Variants in ST6GALNAC5 observed in about 807,000 individuals in gnomAD.
ST6GALNAC5 encodes alpha-N-acetylgalactosaminide alpha-2,6-sialyltransferase 5.
Under a neutral mutation model 33.6 loss-of-function variants are expected in ST6GALNAC5, and 27 were observed. That is an observed-to-expected ratio of 0.80 (90% CI 0.59 to 1.11). ST6GALNAC5 has a LOEUF of 1.11. ST6GALNAC5 is among the 50% of genes least tolerant of loss of function. The probability of loss-of-function intolerance (pLI) is 0.00; values close to 1 mark genes in which losing one functional copy is unlikely to be tolerated. For missense variants in ST6GALNAC5, 428 were observed against 454.0 expected (o/e 0.94, Z 0.52); for synonymous variants, 194 against 171.2 (o/e 1.13, Z -1.04).
intron 3 of ST6GALNAC5, among the ~76,000 whole-genome samples, chr1:77,046,853 T>A (rs1652030658): frequency 1.3e-5 from 2 of 152,248 alleles, no homozygotes; most frequent in Non-Finnish European, 2.9e-5. Flanking sequence ...CTATTTAGTA[T>A]AATTAAACAT....
intron 2 of ST6GALNAC5, among the ~76,000 whole-genome samples, chr1:76,900,574 T>C (rs1015463469): frequency 6.6e-6 from 1 of 152,220 alleles, no homozygotes; most frequent in Non-Finnish European, 1.5e-5. Flanking sequence ...TTTTGGTTTC[T>C]CTCTAGGATT....
In ST6GALNAC5 at chr1:76,931,325, G is replaced by A. The variant is rs558473103; in HGVS notation, c.261+62583G>A. Reference sequence around the variant, plus strand: ...CTTGTAAGACCCTATCAGAGGACTAGGTATAGTAGTGCCAAACTCCTGGCC... The same window carrying A: ...CTTGTAAGACCCTATCAGAGGACTAAGTATAGTAGTGCCAAACTCCTGGCC... On this transcript the variant is annotated intron_variant, in intron 2 of 4. Coordinates refer to ENST00000477717, the MANE Select transcript of ST6GALNAC5 (RefSeq NM_030965.3). 6.0e-4 allele frequency among the ~76,000 whole-genome samples: 92 copies of A among 152,186 alleles called. 1 individual carries two copies. The highest frequency in any genetic ancestry group is 2.2e-3 in the African/African-American group (91 of 41,536).
intron 2 of ST6GALNAC5, among the ~76,000 whole-genome samples, chr1:76,989,660 T>C (rs1403289327): frequency 2.0e-5 from 3 of 152,186 alleles, no homozygotes; most frequent in Non-Finnish European, 2.9e-5. Flanking sequence ...CTGTCTAGCA[T>C]GCTTGCCCAG....
At chr1:76,952,341 C>T in intron 2 of ST6GALNAC5, among the ~76,000 whole-genome samples, 1 of 151,946 alleles carries the variant, frequency 6.6e-6, no homozygotes, top group Non-Finnish European at 1.5e-5. Context: ...GAAGCCCTGA[C>T]CCCCAATGTG....
intron 2 of ST6GALNAC5, among the ~76,000 whole-genome samples, chr1:77,025,498 C>T (rs772382765): frequency 4.7e-5 from 7 of 148,336 alleles, no homozygotes; most frequent in Non-Finnish European, 1.0e-4. Context: ...CCAGACTGGG[C>T]GACAGAGCAA....
At chr1:76,874,013 A>C (rs773004600) in intron 2 of ST6GALNAC5, among the ~76,000 whole-genome samples, 3 of 152,258 alleles carry the variant, frequency 2.0e-5, no homozygotes, top group Non-Finnish European at 4.4e-5. Context: ...CTGAATAATA[A>C]TTTGAAATCA....
intron 2 of ST6GALNAC5, among the ~76,000 whole-genome samples, chr1:76,951,137 C>T (rs1647726038): frequency 6.6e-6 from 1 of 152,036 alleles, no homozygotes; most frequent in Admixed American, 6.6e-5. Context: ...TTGTAATAGG[C>T]CATTGATTCT....
At chr1:76,972,837 T>C (rs1553169536) in intron 2 of ST6GALNAC5, among the ~76,000 whole-genome samples, 1 of 152,204 alleles carries the variant, frequency 6.6e-6, no homozygotes, top group Non-Finnish European at 1.5e-5. Context: ...CAGTGCCTAA[T>C]ACATTTAGAT....
intron 2 of ST6GALNAC5, among the ~76,000 whole-genome samples, chr1:76,876,906 G>A (rs1393013652): frequency 1.3e-5 from 2 of 152,174 alleles, no homozygotes; most frequent in Non-Finnish European, 2.9e-5. Flanking sequence ...GGGAGAGAAG[G>A]CAGGGTGGCA....
chr1:76,982,553 G>C (rs905233420), intron 2 of ST6GALNAC5, among the ~76,000 whole-genome samples: 3 of 152,206 alleles, frequency 2.0e-5, no homozygotes, highest in African/African-American at 7.2e-5. Flanking sequence ...GTACCTGAAA[G>C]TGATGGGCGG....
chr1:76,994,170 T>C (rs533671365), intron 2 of ST6GALNAC5, among the ~76,000 whole-genome samples: 8 of 152,346 alleles, frequency 5.3e-5, no homozygotes, highest in Admixed American at 3.9e-4. Context: ...GCCAGTGATT[T>C]AGTATTGTCA....
chr1:77,046,700 G>A (rs1037595749), intron 3 of ST6GALNAC5, among the ~76,000 whole-genome samples: 1 of 152,226 alleles, frequency 6.6e-6, no homozygotes, highest in African/African-American at 2.4e-5. Context: ...AATCAAGAAG[G>A]AGGGGAATTA....
chr1:76,887,366 G>A (rs1425353791), intron 2 of ST6GALNAC5, among the ~76,000 whole-genome samples: 1 of 152,110 alleles, frequency 6.6e-6, no homozygotes, highest in Non-Finnish European at 1.5e-5. Context: ...ACCTAAATGT[G>A]AGCATGTTAT....
At chr1:77,044,157 G>T in intron 2 of ST6GALNAC5, 47 bp from the exon 3 acceptor site, 1 of 1,548,464 alleles carries the variant, frequency 6.5e-7, no homozygotes, top group Non-Finnish European at 8.7e-7. Context: ...CTGAGTGAGG[G>T]TTAAGCCCTT....
At chr1:77,049,143 AT>A (rs910889117) in intron 3 of ST6GALNAC5, among the ~76,000 whole-genome samples, 17 of 151,246 alleles carry the variant, frequency 1.1e-4, no homozygotes, top group East Asian at 3.9e-4. Context: ...TCCTCTCTCT[AT>A]TTTTTTTTCT....
intron 2 of ST6GALNAC5, among the ~76,000 whole-genome samples, chr1:76,953,022 T>G (rs1647814632): frequency 6.6e-6 from 1 of 152,172 alleles, no homozygotes; most frequent in South Asian, 2.1e-4. Context: ...ATGTATCATT[T>G]CTTTTATTTC....
At chr1:76,972,563 T>C (rs560994447) in intron 2 of ST6GALNAC5, among the ~76,000 whole-genome samples, 4 of 152,350 alleles carry the variant, frequency 2.6e-5, no homozygotes, top group Non-Finnish European at 5.9e-5. Flanking sequence ...TTATATATTA[T>C]ACTTAAATCA....
intron 2 of ST6GALNAC5, among the ~76,000 whole-genome samples, chr1:76,981,712 T>A (rs1649259102): frequency 6.6e-6 from 1 of 152,202 alleles, no homozygotes. Context: ...CCTTGTAGCC[T>A]AACTGGGAGA....
intron 2 of ST6GALNAC5, among the ~76,000 whole-genome samples, chr1:76,968,191 C>A (rs752589640): frequency 6.6e-6 from 1 of 152,158 alleles, no homozygotes; most frequent in Non-Finnish European, 1.5e-5. Flanking sequence ...GTGTTAAAGT[C>A]TCCCATTATT....
Sources: gnomAD v4.1 joint callset for allele counts (sites outside exome capture counted in the v4.1 genomes callset) on GRCh38, gnomAD v4.1.1 for gene constraint, MANE v1.5 for transcripts, NCBI Gene and HGNC (gene_info 2026-07-23, HGNC 2026-07-21) for gene names.